The following PRKD1 variants were observed in gnomAD, a reference collection of about 807,000 sequenced individuals.
The protein encoded by PRKD1 is protein kinase D1.
PRKD1 carries 63 observed loss-of-function variants against 95.9 expected under a neutral mutation model. The ratio of observed to expected loss-of-function variants is 0.66; its 90% CI spans 0.54 to 0.81. The LOEUF is 0.81. Among genes scored for constraint, PRKD1 ranks in the 30% least tolerant of loss-of-function variants. The pLI is 0.00. For missense variants in PRKD1, 1,048 were observed against 1,165.3 expected (o/e 0.90, Z 1.47); for synonymous variants, 425 against 423.1 (o/e 1.00, Z -0.05).
chr14:29,630,618 A>G (rs1446980506), intron 10 of PRKD1, 124 bp downstream of exon 10: 17 of 1,271,446 alleles, frequency 1.3e-5, no homozygotes, highest in Non-Finnish European at 1.9e-5. Flanking sequence ...ATTCTACAAT[A>G]AACTAAGTCA....
chr14:29,590,643 T>C lies in PRKD1; in HGVS notation c.2434+6848A>G, dbSNP rs1393669996. On this transcript the variant is annotated intron_variant, in intron 16 of 17. Coordinates refer to ENST00000331968, the MANE Select transcript of PRKD1 (RefSeq NM_002742.3). ...CATATAAAACAAAATTAATCAGCAA[T>C]ATGTGGAGTAATTTATAAACATTAA... 2.0e-5 allele frequency among the ~76,000 whole-genome samples: 3 copies of C among 152,286 alleles called. No homozygotes were observed. In the East Asian group the frequency reaches 5.8e-4, roughly 29 times the overall value.
rs990934327 is a variant in PRKD1, at chr14:29,680,075, C to T, written c.404-13867G>A. On this transcript the variant is annotated intron_variant, in intron 2 of 17. Coordinates refer to ENST00000331968, the MANE Select transcript of PRKD1 (RefSeq NM_002742.3). ...GGAGTGGTAAAGACTGTGGTTCAGT[C>T]GTTTGGAAGTCACTGGTGGACAACT... Among the ~76,000 whole-genome samples, 13 of 152,088 alleles carry T rather than the reference C, an allele frequency of 8.5e-5. 1 individual carries two copies. The highest frequency in any genetic ancestry group is 2.9e-4 in the African/African-American group (12 of 41,424).
intron 2 of PRKD1, among the ~76,000 whole-genome samples, chr14:29,719,691 ATTAC>A (rs1374234316): frequency 6.6e-6 from 1 of 152,230 alleles, no homozygotes; most frequent in African/African-American, 2.4e-5. Context: ...AAGGAAACAA[ATTAC>A]TTACATAAAC....
intron 1 of PRKD1, among the ~76,000 whole-genome samples, chr14:29,727,141 G>T (rs975746623): frequency 6.6e-6 from 1 of 152,084 alleles, no homozygotes; most frequent in African/African-American, 2.4e-5. Flanking sequence ...GCATTTCTCT[G>T]ATGGCCAGTG....
chr14:29,791,735 T>C (rs1889556094), intron 1 of PRKD1, among the ~76,000 whole-genome samples: 1 of 152,270 alleles, frequency 6.6e-6, no homozygotes, highest in East Asian at 1.9e-4. Flanking sequence ...CACATGTCAG[T>C]TATTTTCAGT....
intron 1 of PRKD1, among the ~76,000 whole-genome samples, chr14:29,902,563 T>C (rs927651502): frequency 6.6e-5 from 10 of 152,218 alleles, no homozygotes; most frequent in Non-Finnish European, 1.5e-5. Context: ...TAAACATTTC[T>C]TTCCTACATG....
chr14:29,601,555 G>A (rs557437341), intron 13 of PRKD1, among the ~76,000 whole-genome samples: 2 of 151,620 alleles, frequency 1.3e-5, no homozygotes, highest in African/African-American at 2.4e-5. Context: ...CACCTCCCAC[G>A]TTGCTCTCTC....
rs543427556 is a variant in PRKD1, at chr14:29,729,391, T to C, written c.265-3717A>G. ...ACTTCAATTTCCTCTTAAGTGACTT[T>C]TGGCAGTTTGTTTATTTTCAGAAAG... On this transcript the variant is annotated intron_variant, in intron 1 of 17. Coordinates refer to ENST00000331968, the MANE Select transcript of PRKD1 (RefSeq NM_002742.3). 6.6e-5 allele frequency among the ~76,000 whole-genome samples: 10 copies of C among 152,196 alleles called. No individual in the cohort carries two copies. In the East Asian group the frequency reaches 1.5e-3, roughly 23 times the overall value.
rs140015583 is a variant in PRKD1, at chr14:29,645,932, T to TA, written c.697-7029dup. On this transcript the variant is annotated intron_variant, in intron 4 of 17. Transcript: ENST00000331968. Reference sequence around the variant, plus strand: ...TCATTAAAGCAGCATGCAACTGTATTATTTACCTCTTATTTGTTTACTGGA... The same window carrying TA: ...TCATTAAAGCAGCATGCAACTGTATTAATTTACCTCTTATTTGTTTACTGGA... Among the ~76,000 whole-genome samples the TA allele has an allele frequency of 5.9e-5, 9 of 152,244 alleles. No individual in the cohort carries two copies. In the East Asian group the frequency reaches 1.7e-3, roughly 29 times the overall value.
At chr14:29,926,069 T>C (rs993731014) in intron 1 of PRKD1, among the ~76,000 whole-genome samples, 2 of 152,228 alleles carry the variant, frequency 1.3e-5, no homozygotes, top group African/African-American at 2.4e-5. Context: ...TGGCACTCAT[T>C]GTTACCTTAG....
chr14:29,594,992 C>CT (rs113886267), intron 16 of PRKD1, among the ~76,000 whole-genome samples: 59,762 of 145,670 alleles, frequency 0.41, 12,520 homozygotes, highest in African/African-American at 0.55. Flanking sequence ...AGCTAGGTAA[C>CT]TTTTTTTTTT....
chr14:29,835,280 A>T (rs958743357), intron 1 of PRKD1, among the ~76,000 whole-genome samples: 1 of 152,214 alleles, frequency 6.6e-6, no homozygotes, highest in Non-Finnish European at 1.5e-5. Context: ...AATAATTTGC[A>T]TCTCACATCT....
intron 1 of PRKD1, among the ~76,000 whole-genome samples, chr14:29,818,024 T>TA (rs772849121): frequency 4.0e-4 from 60 of 151,426 alleles, no homozygotes; most frequent in South Asian, 1.9e-3. Flanking sequence ...ATTAAAGTTG[T>TA]AAAAAAAAAT....
chr14:29,641,218 T>C (rs999001845), intron 4 of PRKD1, among the ~76,000 whole-genome samples: 2 of 152,200 alleles, frequency 1.3e-5, no homozygotes, highest in African/African-American at 2.4e-5. Context: ...TAATTTATAG[T>C]GTCAACTATG....
At chr14:29,703,729 G>C (rs1463112029) in intron 2 of PRKD1, among the ~76,000 whole-genome samples, 1 of 152,016 alleles carries the variant, frequency 6.6e-6, no homozygotes, top group Non-Finnish European at 1.5e-5. Flanking sequence ...TATATCTTTG[G>C]GGTGACAACT....
chr14:29,854,017 C>T (rs746460745), intron 1 of PRKD1, among the ~76,000 whole-genome samples: 8 of 152,126 alleles, frequency 5.3e-5, no homozygotes, highest in Admixed American at 1.3e-4. Context: ...GTAAATTGCC[C>T]AGTCTCGGAT....
At chr14:29,842,923 A>C (rs1891916545) in intron 1 of PRKD1, among the ~76,000 whole-genome samples, 1 of 152,200 alleles carries the variant, frequency 6.6e-6, no homozygotes, top group Admixed American at 6.5e-5. Flanking sequence ...GCAAAAGGTC[A>C]TGAAAAAGAC....
intron 1 of PRKD1, among the ~76,000 whole-genome samples, chr14:29,865,365 G>A (rs964193248): frequency 9.9e-5 from 15 of 152,282 alleles, no homozygotes; most frequent in Admixed American, 9.2e-4. Context: ...TGGTTCCAAC[G>A]TCCCTATAAA....
chr14:29,868,470 T>C (rs1436510338), intron 1 of PRKD1, among the ~76,000 whole-genome samples: 3 of 152,132 alleles, frequency 2.0e-5, no homozygotes, highest in Non-Finnish European at 4.4e-5. Context: ...TAAAAATAAA[T>C]AGTAGCCTTA....
Sources: gnomAD v4.1 joint callset for allele counts (sites outside exome capture counted in the v4.1 genomes callset) on GRCh38, gnomAD v4.1.1 for gene constraint, MANE v1.5 for transcripts, NCBI Gene and HGNC (gene_info 2026-07-23, HGNC 2026-07-21) for gene names.